Variants in PRKCQ observed in about 807,000 individuals in gnomAD.
PRKCQ encodes the protein protein kinase C theta.
Under a neutral mutation model 91.2 loss-of-function variants are expected in PRKCQ, and 41 were observed. That is an observed-to-expected ratio of 0.45 (90% CI 0.35 to 0.58). The LOEUF (loss-of-function observed/expected upper bound fraction) is 0.58. Ranked by LOEUF, PRKCQ falls within the 20% of genes least tolerant of loss-of-function variation. The pLI is 0.00. For missense variants in PRKCQ, 673 were observed against 896.5 expected (o/e 0.75, Z 3.18); for synonymous variants, 307 against 316.9 (o/e 0.97, Z 0.33).
rs1837690966 is a variant in PRKCQ, at chr10:6,497,624, A to C, written c.543-373T>G. On this transcript the variant is annotated intron_variant, in intron 5 of 17. Coordinates refer to ENST00000263125, the MANE Select transcript of PRKCQ (RefSeq NM_006257.5). The surrounding 1 kb of genome is among the most constrained non-coding windows in gnomAD (Gnocchi z 4.5). Reference sequence around the variant, plus strand: ...ACAGACGAACAAAGACATCTGTAACATTTTATTTCCTCTTTCTGAGCATCT... The same window carrying C: ...ACAGACGAACAAAGACATCTGTAACCTTTTATTTCCTCTTTCTGAGCATCT... Among the ~76,000 whole-genome samples, 1 of 152,160 alleles carries C rather than the reference A, an allele frequency of 6.6e-6. No homozygotes were observed.
chr10:6,487,648 T>C (rs1334434212), intron 8 of PRKCQ, among the ~76,000 whole-genome samples: 1 of 152,132 alleles, frequency 6.6e-6, no homozygotes, highest in Non-Finnish European at 1.5e-5. Context: ...CGTGTGCCCA[T>C]GTGACTGTGT....
At chr10:6,408,046 G>GGT in the PRKCQ span, among the ~76,000 whole-genome samples, 1 of 84,228 alleles carries the variant, frequency 1.2e-5, no homozygotes. Flanking sequence ...TCTTGTGTCA[G>GGT]TTTTTTTTTT....
chr10:6,404,859 C>G, the PRKCQ span, among the ~76,000 whole-genome samples: 1 of 129,370 alleles, frequency 7.7e-6, no homozygotes, highest in Admixed American at 8.4e-5. Flanking sequence ...TTCTTTCTTT[C>G]TCTTCCTTCC....
chr10:6,432,548 G>A (rs1416601579), intron 16 of PRKCQ, among the ~76,000 whole-genome samples: 4 of 152,104 alleles, frequency 2.6e-5, no homozygotes, highest in Non-Finnish European at 5.9e-5. Flanking sequence ...GGGTTCCAAA[G>A]TACCCAATTA....
intron 1 of PRKCQ, among the ~76,000 whole-genome samples, chr10:6,578,631 T>C (rs551569722): frequency 6.6e-6 from 1 of 152,340 alleles, no homozygotes; most frequent in African/African-American, 2.4e-5. Context: ...ATATGTATGT[T>C]CAATCAGCAG....
intron 15 of PRKCQ, among the ~76,000 whole-genome samples, chr10:6,448,360 G>A (rs1174270992): frequency 6.6e-6 from 1 of 152,134 alleles, no homozygotes; most frequent in African/African-American, 2.4e-5. Context: ...CACAGACCAA[G>A]GATGTGCAAT....
intron 8 of PRKCQ, chr10:6,489,356 C>G (rs1380683460): frequency 2.0e-6 from 1 of 501,886 alleles, no homozygotes; most frequent in Non-Finnish European, 4.1e-6. Flanking sequence ...AGAAAGGCCA[C>G]CACCATCTCC....
In PRKCQ at chr10:6,427,907, A is replaced by T; in HGVS notation, c.*300T>A. 3.0e-6 allele frequency: 1 copy of T among 332,928 alleles called. No individual in the cohort carries two copies. The highest frequency in any genetic ancestry group is 5.6e-6 in the Non-Finnish European group (1 of 177,962). 20.6% of individuals were successfully genotyped at this position (332,928 alleles called of 1,614,324 possible). A position where few individuals can be genotyped will look rare whatever the true frequency, so the allele number is the denominator to read the frequency against. On this transcript the variant is annotated 3_prime_UTR_variant, in exon 18 of 18. Transcript: ENST00000263125. Reference sequence around the variant, plus strand: ...AGAGCCATAATTTATTGCAGTATCAAGTCTTGAAACCTTTCCAAGTGCGGA... The same window carrying T: ...AGAGCCATAATTTATTGCAGTATCATGTCTTGAAACCTTTCCAAGTGCGGA...
intron 16 of PRKCQ, among the ~76,000 whole-genome samples, chr10:6,434,026 T>C (rs1588647751): frequency 4.1e-5 from 3 of 73,196 alleles, no homozygotes; most frequent in Admixed American, 1.7e-4. Flanking sequence ...AGAGCAAGAC[T>C]CCTTAAAAAA....
intron 1 of PRKCQ, among the ~76,000 whole-genome samples, chr10:6,579,951 C>T (rs1841403792): frequency 6.6e-6 from 1 of 152,154 alleles, no homozygotes; most frequent in African/African-American, 2.4e-5. Flanking sequence ...GGAAGCGCCC[C>T]CAGGCCGGCG....
At chr10:6,434,178 G>A (rs1158787364) in intron 16 of PRKCQ, among the ~76,000 whole-genome samples, 1 of 152,078 alleles carries the variant, frequency 6.6e-6, no homozygotes, top group Non-Finnish European at 1.5e-5. Context: ...TGGCGTAAGT[G>A]TCTCAGGAAG....
chr10:6,493,697 G>A (rs1837444459), intron 7 of PRKCQ, among the ~76,000 whole-genome samples: 1 of 152,162 alleles, frequency 6.6e-6, no homozygotes. Context: ...GAAGAAGTCT[G>A]GGAGGTGAAA....
rs1395862493 is a variant in PRKCQ, at chr10:6,464,326, G to T, written c.1432C>A (p.Leu478Ile). Residue 478 changes from leucine (L) to isoleucine (I), a missense_variant, in exon 13 of 18, where the codon CTT (leucine) becomes ATT (isoleucine). Coordinates refer to ENST00000263125, the MANE Select transcript of PRKCQ (RefSeq NM_006257.5). ...YHIQSCHKFD[L>I]SRATFYAAEI... ...AAAGCCTCTTACGTCGCTCTGGAAAGGTCGAACTTGTGGCAGCTTTGGATG... is the reference window on the plus strand; with the variant it reads ...AAAGCCTCTTACGTCGCTCTGGAAATGTCGAACTTGTGGCAGCTTTGGATG... The T allele has an allele frequency of 6.2e-7, 1 of 1,613,838 alleles. No homozygotes were observed. The highest frequency in any genetic ancestry group is 1.3e-5 in the African/African-American group (1 of 75,002).
chr10:6,542,110 T>G (rs1461235453), intron 1 of PRKCQ, among the ~76,000 whole-genome samples: 1 of 152,246 alleles, frequency 6.6e-6, no homozygotes, highest in Non-Finnish European at 1.5e-5. Flanking sequence ...CCTTGTGTTT[T>G]CACTAAGAGC....
intron 15 of PRKCQ, among the ~76,000 whole-genome samples, chr10:6,449,808 C>A (rs1834549868): frequency 6.6e-6 from 1 of 152,134 alleles, no homozygotes; most frequent in South Asian, 2.1e-4. Flanking sequence ...AATTTTCAAC[C>A]CACAATTTCA....
At chr10:6,445,635 A>T (rs1834240340) in intron 15 of PRKCQ, among the ~76,000 whole-genome samples, 1 of 152,220 alleles carries the variant, frequency 6.6e-6, no homozygotes, top group Non-Finnish European at 1.5e-5. Flanking sequence ...ATAAAGTTGC[A>T]AACAGAATTT....
chr10:6,578,053 C>T (rs1234007262), intron 1 of PRKCQ, among the ~76,000 whole-genome samples: 2 of 152,146 alleles, frequency 1.3e-5, no homozygotes, highest in Non-Finnish European at 2.9e-5. Context: ...TAGAAATGAC[C>T]AGTGACAAGC....
In PRKCQ at chr10:6,430,955, C is replaced by G; in HGVS notation, c.1837-17G>C. The G allele has an allele frequency of 1.9e-6, 3 of 1,612,928 alleles. No individual in the cohort carries two copies. The highest frequency in any genetic ancestry group is 2.5e-6 in the Non-Finnish European group (3 of 1,179,448). ...CACGAAGAGCTGAAAGGGAGCAGAG[C>G]AGGAGCCCTGAGGTCTCCAGGGATG... is the stretch of plus-strand genomic sequence containing the variant. On this transcript the variant is annotated splice_polypyrimidine_tract_variant and intron_variant, in intron 16 of 17. Coordinates refer to ENST00000263125, the MANE Select transcript of PRKCQ (RefSeq NM_006257.5). The surrounding 1 kb of genome is among the most constrained non-coding windows in gnomAD (Gnocchi z 4.7).
intron 1 of PRKCQ, among the ~76,000 whole-genome samples, chr10:6,521,902 GTGATGTTATGTTATGTTATGTTAT>G (rs1346619099): frequency 1.1e-3 from 136 of 126,352 alleles, no homozygotes; most frequent in Middle Eastern, 4.2e-3. Context: ...GTTATGTTAT[GTGATGTTATGTTATGTTATGTTAT>G]TTATTTATTT....
Sources: gnomAD v4.1 joint callset for allele counts (sites outside exome capture counted in the v4.1 genomes callset) on GRCh38, gnomAD v4.1.1 for gene constraint, Gnocchi (gnomAD v3.1) non-coding constraint, MANE v1.5 for transcripts, NCBI Gene and HGNC (gene_info 2026-07-23, HGNC 2026-07-21) for gene names.